NCOA2: variants seen among roughly 807,000 people sequenced by gnomAD.
NCOA2 encodes nuclear receptor coactivator 2.
In NCOA2, 21 loss-of-function variants were observed where a neutral mutation model predicts 145.1. The observed-to-expected ratio is 0.14, with a 90% CI of 0.10 to 0.21. The LOEUF (loss-of-function observed/expected upper bound fraction) is 0.21, where lower values mean the gene tolerates loss of function less well. Ranked by LOEUF, NCOA2 falls within the 10% of genes least tolerant of loss-of-function variation. NCOA2 has a pLI of 1.00. For missense variants in NCOA2, 1,472 were observed against 1,837.6 expected (o/e 0.80, Z 3.64); for synonymous variants, 619 against 637.5 (o/e 0.97, Z 0.44).
At chr8:70,385,931 C>G (rs183326355) in intron 1 of NCOA2, among the ~76,000 whole-genome samples, 1 of 152,140 alleles carries the variant, frequency 6.6e-6, no homozygotes, top group East Asian at 1.9e-4. Context: ...TTGTGGTACA[C>G]AAAACACACA....
the NCOA2 span, among the ~76,000 whole-genome samples, chr8:70,421,616 A>T: frequency 8.4e-3 from 1,284 of 152,166 alleles, 22 homozygotes; most frequent in Non-Finnish European, 0.01. Context: ...CCGAAAACAT[A>T]AAAACTATAT....
intron 14 of NCOA2, among the ~76,000 whole-genome samples, chr8:70,140,104 TGA>T (rs1267110509): frequency 2.0e-5 from 3 of 152,164 alleles, no homozygotes; most frequent in African/African-American, 7.2e-5. Context: ...ACAGCTTTAT[TGA>T]GAGATAATTC....
At position 70,113,178 on chromosome 8, in the gene NCOA2, T is replaced by G. The variant is rs747692711; in HGVS notation, c.*454A>C. ...TTAGTTTAATTTTTTAAAAAATTCT[T>G]TTCTTTCCCCCAGATAAAATCTTAA... On this transcript the variant is annotated 3_prime_UTR_variant, in exon 23 of 23. Transcript: ENST00000452400. The G allele has an allele frequency of 1.3e-5, 3 of 222,728 alleles. No individual in the cohort carries two copies. The highest frequency in any genetic ancestry group is 2.2e-5 in the African/African-American group (1 of 44,578). The allele number at this position is 222,728 out of a possible 1,614,324, so 13.8% of individuals were successfully genotyped here.
chr8:70,340,268 A>T (rs1424397559), intron 1 of NCOA2, among the ~76,000 whole-genome samples: 1 of 152,220 alleles, frequency 6.6e-6, no homozygotes, highest in African/African-American at 2.4e-5. Context: ...ACTCCACTAA[A>T]AAGTGGACAA....
chr8:70,160,682 G>GAGAGAGAGAGAGGGAGA (rs371258460), intron 9 of NCOA2, among the ~76,000 whole-genome samples: 1 of 58,300 alleles, frequency 1.7e-5, no homozygotes, highest in Non-Finnish European at 4.9e-5. Flanking sequence ...AGAGAGAGAG[G>GAGAGAGAGAGAGGGAGA]GAGAGAGAGA....
At chr8:70,192,268 G>C (rs1310865467) in intron 4 of NCOA2, among the ~76,000 whole-genome samples, 1 of 152,152 alleles carries the variant, frequency 6.6e-6, no homozygotes, top group Non-Finnish European at 1.5e-5. Flanking sequence ...TTGAGCATTT[G>C]CTTCAGGGAC....
intron 1 of NCOA2, among the ~76,000 whole-genome samples, chr8:70,379,228 T>C (rs1811961542): frequency 6.6e-6 from 1 of 152,328 alleles, no homozygotes; most frequent in Middle Eastern, 3.4e-3. Context: ...TCTAAAAGAT[T>C]TGGGTAAACT....
rs954124589 is a variant in NCOA2 at position 70,301,360 on chromosome 8, A to G, written c.-76-4560T>C. 4.6e-5 allele frequency among the ~76,000 whole-genome samples: 7 copies of G among 152,250 alleles called. No individual in the cohort carries two copies. In the East Asian group the frequency reaches 1.4e-3, roughly 29 times the overall value. On this transcript the variant is annotated intron_variant, in intron 1 of 22. Coordinates refer to ENST00000452400, the MANE Select transcript of NCOA2 (RefSeq NM_006540.4). ...CACTAATAGAGCTGGATGTAAATAA[A>G]GATATGTCTGTTGCAGGGCATGGTG...
In NCOA2 at chr8:70,174,780, A is replaced by C; in HGVS notation, c.339T>G (p.Asp113Glu). 1 of 1,613,764 alleles carries C rather than the reference A, an allele frequency of 6.2e-7. No individual in the cohort carries two copies. The highest frequency in any genetic ancestry group is 1.3e-5 in the African/African-American group (1 of 75,036). ...SSTGQGVIDK[D>E]ALGPMMLEAL... is the part of the protein sequence containing the mutation. Reference sequence around the variant, plus strand: ...CCTCAAGCATCATAGGCCCCAGCGCATCCTTGTCGATGACACCCTGCCCTG... The same window carrying C: ...CCTCAAGCATCATAGGCCCCAGCGCCTCCTTGTCGATGACACCCTGCCCTG... The change falls in exon 5 of 23, where the codon GAT becomes GAG. Residue 113 changes from aspartate to glutamate, a missense_variant. Asp to Glu is a conservative substitution (Grantham distance 45). Transcript: ENST00000452400.
intron 4 of NCOA2, among the ~76,000 whole-genome samples, chr8:70,208,067 C>T (rs901260947): frequency 2.6e-5 from 4 of 151,534 alleles, no homozygotes; most frequent in African/African-American, 9.7e-5. Flanking sequence ...CCTGGGCCAC[C>T]TAGTGAGATC....
At chr8:70,251,776 C>T (rs1586257748) in intron 2 of NCOA2, among the ~76,000 whole-genome samples, 1 of 152,180 alleles carries the variant, frequency 6.6e-6, no homozygotes, top group African/African-American at 2.4e-5. Flanking sequence ...ACAACTAGAA[C>T]TTTAAAAGGG....
chr8:70,267,702 GAAATATTC>G (rs1824731724), intron 2 of NCOA2, among the ~76,000 whole-genome samples: 1 of 152,036 alleles, frequency 6.6e-6, no homozygotes, highest in Admixed American at 6.6e-5. Context: ...AATACCTACA[GAAATATTC>G]AAATATTCAA....
chr8:70,217,929 CCTT>C (rs1173099603), intron 2 of NCOA2, among the ~76,000 whole-genome samples: 3 of 152,020 alleles, frequency 2.0e-5, no homozygotes, highest in Non-Finnish European at 4.4e-5. Flanking sequence ...CTTTGCCCCT[CCTT>C]TACTTTTTGT....
chr8:70,273,693 G>A, intron 2 of NCOA2: 2 of 646,270 alleles, frequency 3.1e-6, no homozygotes, highest in Non-Finnish European at 5.8e-6. Context: ...CTTGGTGCAG[G>A]CAGTCTGACT....
Position 70,156,935 on chromosome 8 carries a change from A to T in NCOA2, c.1430T>A (p.Met477Lys), listed in dbSNP as rs1258327565. 1 of 1,613,892 alleles carries T rather than the reference A, an allele frequency of 6.2e-7. No homozygotes were observed. Among genetic ancestry groups the T allele is most frequent in the Non-Finnish European group, 8.5e-7 (1 of 1,179,896 alleles). The change falls in exon 11 of 23, where the codon ATG becomes AAG. Residue 477 changes from methionine (M) to lysine (K), a missense_variant. By Grantham distance (95) the Met-to-Lys change is moderately conservative (BLOSUM62 -1). Transcript: ENST00000452400. ...MNSPSQSSPGMNPGQPTSMLS... is the reference protein window; with the variant it reads ...MNSPSQSSPGKNPGQPTSMLS... ...CATGGAGGTGGGCTGTCCTGGATTC[A>T]TGCCAGGGCTGCTTTGTGAGGGGCT...
intron 4 of NCOA2, among the ~76,000 whole-genome samples, chr8:70,193,064 TAAAAA>T (rs397892713): frequency 2.3e-5 from 2 of 86,574 alleles, no homozygotes; most frequent in African/African-American, 5.0e-5. Flanking sequence ...GAGACTCTAT[TAAAAA>T]AAAAAAAAAA....
chr8:70,364,583 T>C (rs934741770), intron 1 of NCOA2, among the ~76,000 whole-genome samples: 4 of 152,188 alleles, frequency 2.6e-5, no homozygotes, highest in African/African-American at 9.7e-5. Context: ...TTTAGTGTAC[T>C]CTGAGCTATG....
intron 1 of NCOA2, among the ~76,000 whole-genome samples, chr8:70,330,465 G>A (rs1806994807): frequency 6.6e-6 from 1 of 151,796 alleles, no homozygotes; most frequent in Admixed American, 6.6e-5. Flanking sequence ...CAGCTACTCA[G>A]GAGGCTGAGA....
chr8:70,236,503 C>T (rs142836594), intron 2 of NCOA2, among the ~76,000 whole-genome samples: 21 of 152,122 alleles, frequency 1.4e-4, no homozygotes, highest in African/African-American at 4.1e-4. Context: ...AGCCATATAT[C>T]TTGTCCTTTT....
Sources: gnomAD v4.1 joint callset for allele counts (sites outside exome capture counted in the v4.1 genomes callset) on GRCh38, gnomAD v4.1.1 for gene constraint, MANE v1.5 for transcripts, NCBI Gene and HGNC (gene_info 2026-07-23, HGNC 2026-07-21) for gene names.